FRMPD1: variants seen among roughly 807,000 people sequenced by gnomAD.
FRMPD1 encodes the protein FERM and PDZ domain-containing protein 1.
A neutral mutation model predicts 117.8 loss-of-function variants in FRMPD1; 76 were observed. That is an observed-to-expected ratio of 0.65 (90% CI 0.54 to 0.78). The LOEUF (loss-of-function observed/expected upper bound fraction) is 0.78. Ranked by LOEUF, FRMPD1 falls within the 30% of genes least tolerant of loss-of-function variation. FRMPD1 has a pLI of 0.00. For synonymous variants in FRMPD1, 783 were observed against 770.4 expected, an observed-to-expected ratio of 1.02 and a Z score of -0.27; for missense variants, 1,786 against 1,964.5, an observed-to-expected ratio of 0.91 and a Z score of 1.72.
chr9:37,696,276 G>A (rs1157253326), intron 2 of FRMPD1, among the ~76,000 whole-genome samples: 2 of 151,564 alleles, frequency 1.3e-5, no homozygotes, highest in Admixed American at 1.3e-4. Flanking sequence ...TTCCTCCAGG[G>A]TACTTACCTG....
the FRMPD1 span, among the ~76,000 whole-genome samples, chr9:37,615,045 G>T: frequency 4.6e-5 from 7 of 152,120 alleles, no homozygotes; most frequent in Admixed American, 6.5e-5. Flanking sequence ...CTTAACCAGA[G>T]CCCCTTTGCC....
At chr9:37,680,055 C>T (rs1821669076) in intron 1 of FRMPD1, among the ~76,000 whole-genome samples, 3 of 152,214 alleles carry the variant, frequency 2.0e-5, no homozygotes, top group Admixed American at 1.3e-4. Context: ...TTCCAGTCTT[C>T]TACTAGGAGT....
At chr9:37,648,007 T>G (rs1824173954), upstream of FRMPD1, among the ~76,000 whole-genome samples, 1 of 152,234 alleles carries the variant, frequency 6.6e-6, no homozygotes. Flanking sequence ...TCCTTCTCTC[T>G]GTAAAATAAG....
chr9:37,685,666 T>A (rs1015495355), intron 1 of FRMPD1, among the ~76,000 whole-genome samples: 3 of 151,694 alleles, frequency 2.0e-5, no homozygotes, highest in Admixed American at 2.0e-4. Flanking sequence ...AAAAAAAAAA[T>A]TTGCCTTCCA....
At chr9:37,699,739 CAG>C (rs1426820804) in intron 2 of FRMPD1, among the ~76,000 whole-genome samples, 1 of 152,186 alleles carries the variant, frequency 6.6e-6, no homozygotes, top group Non-Finnish European at 1.5e-5. Flanking sequence ...GTTGTATCCT[CAG>C]GGCTTGAAAA....
chr9:37,650,296 C>G (rs1254752447), upstream of FRMPD1, among the ~76,000 whole-genome samples: 1 of 152,134 alleles, frequency 6.6e-6, no homozygotes, highest in African/African-American at 2.4e-5. Context: ...CAGAAAAGGG[C>G]TGAGTGCAGA....
intron 2 of FRMPD1, among the ~76,000 whole-genome samples, chr9:37,701,510 CGTGTGTGTGTGTGT>C (rs58458625): frequency 5.6e-4 from 82 of 146,912 alleles, no homozygotes; most frequent in South Asian, 2.4e-3. Context: ...TGTGCATGTA[CGTGTGTGTGTGTGT>C]GTGTGTGTGT....
chr9:37,659,450 A>G (rs144279057), intron 1 of FRMPD1, among the ~76,000 whole-genome samples: 42 of 152,084 alleles, frequency 2.8e-4, no homozygotes, highest in African/African-American at 9.9e-4. Flanking sequence ...TCTGGTGCAT[A>G]CCCTCATTTC....
chr9:37,612,114 A>G, the FRMPD1 span, among the ~76,000 whole-genome samples: 2 of 152,124 alleles, frequency 1.3e-5, no homozygotes, highest in African/African-American at 2.4e-5. Flanking sequence ...ACCCTGACCT[A>G]TATCCCAGGG....
the FRMPD1 span, among the ~76,000 whole-genome samples, chr9:37,633,119 C>G: frequency 1.3e-5 from 2 of 151,852 alleles, no homozygotes; most frequent in Non-Finnish European, 2.9e-5. Context: ...TGGCTCACTG[C>G]AACCTCTGCT....
rs547170311 is a variant in FRMPD1 at position 37,691,849 on chromosome 9, G to C, written c.-4-789G>C. 3.3e-5 allele frequency among the ~76,000 whole-genome samples: 5 copies of C among 152,346 alleles called. No individual in the cohort carries two copies. In the South Asian group the frequency reaches 1.0e-3, roughly 32 times the overall value. On this transcript the variant is annotated intron_variant, in intron 1 of 15. Transcript: ENST00000377765. ...TTGAACCCGGGAGGTGGAGGTTGCTGTGAGCCAAGATCGTGCCACTGCACT... is the reference window on the plus strand; with the variant it reads ...TTGAACCCGGGAGGTGGAGGTTGCTCTGAGCCAAGATCGTGCCACTGCACT...
intron 1 of FRMPD1, among the ~76,000 whole-genome samples, chr9:37,679,015 C>T (rs886947688): frequency 6.6e-6 from 1 of 152,258 alleles, no homozygotes; most frequent in Non-Finnish European, 1.5e-5. Flanking sequence ...CTCCCCTGAC[C>T]TAGAGGTGAT....
At chr9:37,742,807 G>A (rs1588975325) in intron 15 of FRMPD1, among the ~76,000 whole-genome samples, 1 of 152,158 alleles carries the variant, frequency 6.6e-6, no homozygotes, top group Non-Finnish European at 1.5e-5. Context: ...GCTGAGGTAG[G>A]AGAATCACTG....
chr9:37,688,215 C>T (rs889008179), intron 1 of FRMPD1, among the ~76,000 whole-genome samples: 26 of 149,948 alleles, frequency 1.7e-4, no homozygotes, highest in African/African-American at 6.3e-4. Context: ...TTCCTATTTA[C>T]AAATATATAT....
intron 9 of FRMPD1, among the ~76,000 whole-genome samples, chr9:37,731,522 C>A (rs1823878910): frequency 6.6e-6 from 1 of 152,132 alleles, no homozygotes; most frequent in African/African-American, 2.4e-5. Context: ...CCTGGTGCTC[C>A]CCCTATTCTA....
At chr9:37,679,215 A>G (rs1009829418) in intron 1 of FRMPD1, among the ~76,000 whole-genome samples, 5 of 152,214 alleles carry the variant, frequency 3.3e-5, no homozygotes, top group African/African-American at 9.7e-5. Flanking sequence ...CCCAAAACTG[A>G]TAAGTCTGGT....
intron 2 of FRMPD1, among the ~76,000 whole-genome samples, chr9:37,692,956 C>T (rs751827439): frequency 6.6e-6 from 1 of 152,076 alleles, no homozygotes; most frequent in Admixed American, 6.6e-5. Flanking sequence ...CACACAGAGA[C>T]ACCCCAACTC....
chr9:37,612,440 T>A, the FRMPD1 span, among the ~76,000 whole-genome samples: 1 of 151,706 alleles, frequency 6.6e-6, no homozygotes, highest in East Asian at 1.9e-4. Flanking sequence ...CCTCCGCTTC[T>A]CGGGTTCCAG....
At chr9:37,725,354 G>A (rs1456063927) in intron 7 of FRMPD1, among the ~76,000 whole-genome samples, 5 of 152,226 alleles carry the variant, frequency 3.3e-5, no homozygotes, top group Non-Finnish European at 7.3e-5. Flanking sequence ...GGTACAAGGG[G>A]AGAGCAGGTT....
Sources: gnomAD v4.1 joint callset for allele counts (sites outside exome capture counted in the v4.1 genomes callset) on GRCh38, gnomAD v4.1.1 for gene constraint, MANE v1.5 for transcripts, NCBI Gene and HGNC (gene_info 2026-07-23, HGNC 2026-07-21) for gene names.